The following RPH3A variants were observed in gnomAD, a reference collection of about 807,000 sequenced individuals.
RPH3A encodes the protein rabphilin 3A, also known as rabphilin-3A.
RPH3A carries 48 observed loss-of-function variants against 102.2 expected under a neutral mutation model. That is an observed-to-expected ratio of 0.47 (90% CI 0.37 to 0.60). The LOEUF is 0.60. Ranked by LOEUF, RPH3A falls within the 20% of genes least tolerant of loss-of-function variation. The pLI, the probability that RPH3A is intolerant of heterozygous loss-of-function variation, is 0.00. For synonymous variants in RPH3A, 310 were observed against 324.3 expected (o/e 0.96, Z 0.47); for missense variants, 781 against 910.1 (o/e 0.86, Z 1.83).
At chr12:112,805,186 A>G (rs1476757064) in intron 2 of RPH3A, among the ~76,000 whole-genome samples, 1 of 152,234 alleles carries the variant, frequency 6.6e-6, no homozygotes, top group African/African-American at 2.4e-5. Context: ...AAAAACAACA[A>G]CAATGCAAGT....
chr12:112,836,614 A>C (rs895801632), intron 4 of RPH3A, 112 bp downstream of exon 4: 3 of 394,546 alleles, frequency 7.6e-6, no homozygotes, highest in African/African-American at 6.2e-5. Context: ...GGAACTAGCA[A>C]ATTTTAAACA....
chr12:112,589,572 T>C (rs2039461780), intron 1 of RPH3A, among the ~76,000 whole-genome samples: 1 of 152,194 alleles, frequency 6.6e-6, no homozygotes, highest in African/African-American at 2.4e-5. Flanking sequence ...ACCCCTCCCC[T>C]GACCAACCTG....
intron 6 of RPH3A, among the ~76,000 whole-genome samples, chr12:112,866,370 G>C (rs550853804): frequency 2.8e-4 from 43 of 152,128 alleles, no homozygotes; most frequent in Admixed American, 6.5e-4. Flanking sequence ...TCCTTGGGGA[G>C]TTAAACTTCT....
intron 9 of RPH3A, 47 bp from the exon 10 acceptor site, chr12:112,869,846 A>C: frequency 6.2e-7 from 1 of 1,614,112 alleles, no homozygotes. Context: ...AATTCACCTA[A>C]TTCCCTCGAT....
intron 1 of RPH3A, among the ~76,000 whole-genome samples, chr12:112,599,563 T>C (rs2039543325): frequency 6.6e-6 from 1 of 152,202 alleles, no homozygotes; most frequent in Non-Finnish European, 1.5e-5. Flanking sequence ...TGTAGGAATT[T>C]GGTTTATTCA....
At chr12:112,873,100 A>G (rs935991524) in intron 10 of RPH3A, among the ~76,000 whole-genome samples, 3 of 152,220 alleles carry the variant, frequency 2.0e-5, no homozygotes, top group Admixed American at 6.5e-5. Flanking sequence ...TAAGATTCTT[A>G]GTTGATTATA....
rs548672040 is a variant in RPH3A at position 112,656,231 on chromosome 12, A to G, written c.-140+80912A>G. On this transcript the variant is annotated intron_variant, in intron 1 of 21. Transcript: ENST00000543106. ...TCATTATTATAGATTCAGGGGGCAC[A>G]TGTGCAAAGTTGTTTGCCATCTCAA... Among the ~76,000 whole-genome samples the G allele has an allele frequency of 8.5e-5, 13 of 152,354 alleles. No homozygotes were observed. The South Asian group carries it at 2.3e-3, about 27-fold the overall frequency.
At chr12:112,747,582 G>A (rs1475548902) in intron 1 of RPH3A, among the ~76,000 whole-genome samples, 1 of 152,086 alleles carries the variant, frequency 6.6e-6, no homozygotes, top group South Asian at 2.1e-4. Context: ...CTGGCACATA[G>A]CAAGTGCTCG....
intron 1 of RPH3A, among the ~76,000 whole-genome samples, chr12:112,641,883 A>G (rs1015575581): frequency 6.6e-6 from 1 of 152,176 alleles, no homozygotes; most frequent in African/African-American, 2.4e-5. Flanking sequence ...TAAGCATTCT[A>G]TATTAATTAT....
At chr12:112,701,170 C>T (rs1417815275) in intron 1 of RPH3A, among the ~76,000 whole-genome samples, 1 of 152,148 alleles carries the variant, frequency 6.6e-6, no homozygotes, top group Non-Finnish European at 1.5e-5. Context: ...AAGTTTATTT[C>T]AACCATCAAA....
At chr12:112,724,261 C>T (rs922087951) in intron 1 of RPH3A, among the ~76,000 whole-genome samples, 1 of 152,000 alleles carries the variant, frequency 6.6e-6, no homozygotes, top group Non-Finnish European at 1.5e-5. Flanking sequence ...GACAGGGTCT[C>T]ACTATGTTGC....
intron 1 of RPH3A, among the ~76,000 whole-genome samples, chr12:112,689,696 C>G (rs543046813): frequency 6.6e-6 from 1 of 152,326 alleles, no homozygotes; most frequent in Admixed American, 6.5e-5. Flanking sequence ...GACAATACAA[C>G]AGGGAAGCCT....
intron 1 of RPH3A, among the ~76,000 whole-genome samples, chr12:112,624,611 G>A (rs1343925711): frequency 2.0e-5 from 3 of 151,348 alleles, no homozygotes; most frequent in South Asian, 2.1e-4. Flanking sequence ...ATTCACAGCC[G>A]TATTCTACCA....
chr12:112,813,554 TG>T (rs2041618112), intron 2 of RPH3A, among the ~76,000 whole-genome samples: 2 of 152,168 alleles, frequency 1.3e-5, no homozygotes, highest in African/African-American at 4.8e-5. Flanking sequence ...TGAACACAGC[TG>T]GACTGTGTGA....
intron 1 of RPH3A, among the ~76,000 whole-genome samples, chr12:112,744,753 G>A (rs2040732457): frequency 6.6e-6 from 1 of 152,126 alleles, no homozygotes; most frequent in Non-Finnish European, 1.5e-5. Context: ...AGACAGGGCT[G>A]GGATTTGAAC....
chr12:112,675,358 G>A (rs575909289), intron 1 of RPH3A, among the ~76,000 whole-genome samples: 2 of 152,184 alleles, frequency 1.3e-5, no homozygotes, highest in East Asian at 1.9e-4. Context: ...AGGTATTTGC[G>A]GTGACTGTAG....
intron 1 of RPH3A, among the ~76,000 whole-genome samples, chr12:112,655,020 C>T (rs2040000575): frequency 6.6e-6 from 1 of 152,216 alleles, no homozygotes; most frequent in Admixed American, 6.5e-5. Context: ...CCATCCATGA[C>T]TTCTTATTCC....
At chr12:112,890,505 G>A (rs973912916) in intron 18 of RPH3A, among the ~76,000 whole-genome samples, 2 of 152,198 alleles carry the variant, frequency 1.3e-5, no homozygotes, top group African/African-American at 4.8e-5. Context: ...AAGGGAGTCT[G>A]AGATCAGAGG....
intron 1 of RPH3A, among the ~76,000 whole-genome samples, chr12:112,619,788 A>G (rs756469183): frequency 6.6e-6 from 1 of 152,080 alleles, no homozygotes; most frequent in Non-Finnish European, 1.5e-5. Context: ...ACATGGACAT[A>G]TTTCCAGATC....
Sources: allele counts gnomAD v4.1 joint callset (sites outside exome capture counted in the v4.1 genomes callset), GRCh38; gene constraint gnomAD v4.1.1; transcripts MANE v1.5; gene names NCBI Gene and HGNC (gene_info 2026-07-23, HGNC 2026-07-21).